RBMS2: variants seen among roughly 807,000 people sequenced by gnomAD.
RBMS2 encodes the protein RNA binding motif single stranded interacting protein 2.
Under a neutral mutation model 58.4 loss-of-function variants are expected in RBMS2, and 38 were observed. The observed-to-expected ratio is 0.65, with a 90% confidence interval of 0.50 to 0.85. The LOEUF is 0.85. Ranked by LOEUF, RBMS2 falls within the 40% of genes least tolerant of loss-of-function variation. The pLI is 0.00. For missense variants in RBMS2, 367 were observed against 503.7 expected, an observed-to-expected ratio of 0.73 and a Z score of 2.60; for synonymous variants, 151 against 180.7, an observed-to-expected ratio of 0.84 and a Z score of 1.32.
intron 1 of RBMS2, among the ~76,000 whole-genome samples, chr12:56,552,628 T>G (rs956720567): frequency 2.0e-5 from 3 of 151,982 alleles, no homozygotes; most frequent in Admixed American, 6.6e-5. Flanking sequence ...GGAGGCGAAG[T>G]CAGGAGGATC....
Position 56,589,130 on chromosome 12 carries a change from C to G in RBMS2, c.*7-10C>G, listed in dbSNP as rs761300460. ...TGTCTTGTCTCCTCTCTGGCTTGTG[C>G]CTTCTTTAGGATTCCCCTCCCCATC... On this transcript the variant is annotated splice_polypyrimidine_tract_variant and intron_variant, in intron 13 of 13. Transcript: ENST00000262031. 40 of 1,568,240 alleles carry G rather than the reference C, an allele frequency of 2.6e-5. No individual in the cohort carries two copies. In the African/African-American group the frequency reaches 5.3e-4, roughly 21 times the overall value.
chr12:56,529,174 A>G (rs1873232305), intron 1 of RBMS2, among the ~76,000 whole-genome samples: 1 of 152,228 alleles, frequency 6.6e-6, no homozygotes, highest in South Asian at 2.1e-4. Context: ...GAGTGGAAAC[A>G]ACCCAAATGT....
intron 1 of RBMS2, among the ~76,000 whole-genome samples, chr12:56,552,544 A>G (rs189424671): frequency 1.2e-4 from 19 of 152,254 alleles, no homozygotes; most frequent in Non-Finnish European, 1.9e-4. Context: ...GAGGTAGGAT[A>G]ACTGAGATGG....
At chr12:56,572,680 T>C (rs1882501565) in intron 5 of RBMS2, 1 of 600,328 alleles carries the variant, frequency 1.7e-6, no homozygotes, top group African/African-American at 2.0e-5. Context: ...AACTCTTCAG[T>C]AGAAATGATT....
intron 1 of RBMS2, among the ~76,000 whole-genome samples, chr12:56,536,530 T>C (rs1874870981): frequency 7.0e-6 from 1 of 143,278 alleles, no homozygotes; most frequent in Non-Finnish European, 1.5e-5. Flanking sequence ...CCTTCTTTCT[T>C]TTCTCTCTTT....
intron 1 of RBMS2, among the ~76,000 whole-genome samples, chr12:56,526,135 C>T (rs376376724): frequency 2.0e-5 from 3 of 151,276 alleles, no homozygotes; most frequent in South Asian, 4.2e-4. Context: ...GGTGAAACCC[C>T]GTCAATACTG....
At chr12:56,555,440 CAA>C (rs771583124) in intron 1 of RBMS2, among the ~76,000 whole-genome samples, 41 of 86,998 alleles carry the variant, frequency 4.7e-4, no homozygotes, top group Non-Finnish European at 4.1e-4. Context: ...AACTTGGTCT[CAA>C]AAAAAAAAAA....
At chr12:56,532,424 C>T (rs1184053721) in intron 1 of RBMS2, among the ~76,000 whole-genome samples, 2 of 151,826 alleles carry the variant, frequency 1.3e-5, no homozygotes, top group Admixed American at 6.6e-5. Flanking sequence ...TGCCTGTAAT[C>T]CCAGATACTA....
intron 2 of RBMS2, 53 bp downstream of exon 2, chr12:56,562,636 T>G: frequency 6.5e-7 from 1 of 1,545,440 alleles, no homozygotes; most frequent in Non-Finnish European, 8.9e-7. Flanking sequence ...GATTTGGTTT[T>G]GAGACAGGGT....
chr12:56,573,214 C>T (rs1164535869), intron 5 of RBMS2: 8 of 966,838 alleles, frequency 8.3e-6, no homozygotes, highest in Non-Finnish European at 9.8e-6. Context: ...TGGTGGCTCA[C>T]GCCTGTAATC....
intron 1 of RBMS2, among the ~76,000 whole-genome samples, chr12:56,540,344 T>C (rs1454266282): frequency 2.0e-5 from 3 of 152,128 alleles, no homozygotes; most frequent in Non-Finnish European, 4.4e-5. Context: ...TATGTATTTA[T>C]GTATTTATTT....
At chr12:56,529,362 G>A (rs1873269768) in intron 1 of RBMS2, among the ~76,000 whole-genome samples, 1 of 152,100 alleles carries the variant, frequency 6.6e-6, no homozygotes, top group African/African-American at 2.4e-5. Context: ...AGACCAGCCT[G>A]GGCAACATGG....
chr12:56,520,745 T>A (rs988904961), upstream of RBMS2, among the ~76,000 whole-genome samples: 3 of 152,124 alleles, frequency 2.0e-5, no homozygotes, highest in East Asian at 3.9e-4. Flanking sequence ...TTTTTTTTTT[T>A]AAACAGCTCA....
At chr12:56,587,433 A>T in intron 10 of RBMS2, 121 bp from the exon 11 acceptor site, 2 of 1,047,882 alleles carry the variant, frequency 1.9e-6, no homozygotes, top group South Asian at 1.7e-5. Flanking sequence ...GTTGCTGCTC[A>T]CTTACCATTT....
intron 11 of RBMS2, 82 bp from the exon 12 acceptor site, chr12:56,588,212 A>G: frequency 9.4e-7 from 1 of 1,068,400 alleles, no homozygotes; most frequent in Non-Finnish European, 1.4e-6. Context: ...TACAGGTGTC[A>G]GTATTTTTTT....
intron 1 of RBMS2, among the ~76,000 whole-genome samples, chr12:56,558,775 T>C (rs956028588): frequency 1.3e-5 from 2 of 151,918 alleles, no homozygotes; most frequent in African/African-American, 4.8e-5. Context: ...TTTGCATTTT[T>C]TTTTTATAGA....
chr12:56,550,151 G>A (rs1055155754), intron 1 of RBMS2, among the ~76,000 whole-genome samples: 1 of 152,100 alleles, frequency 6.6e-6, no homozygotes, highest in Admixed American at 6.6e-5. Flanking sequence ...TGTCCTAAAT[G>A]TCATTTTCAT....
At chr12:56,539,232 G>T (rs1400148252) in intron 1 of RBMS2, among the ~76,000 whole-genome samples, 4 of 152,038 alleles carry the variant, frequency 2.6e-5, no homozygotes, top group Non-Finnish European at 4.4e-5. Flanking sequence ...GGCCAGGCTG[G>T]TCTGGAACTC....
intron 1 of RBMS2, among the ~76,000 whole-genome samples, chr12:56,531,153 A>G (rs1873654093): frequency 6.6e-6 from 1 of 152,116 alleles, no homozygotes; most frequent in Non-Finnish European, 1.5e-5. Flanking sequence ...TATTGGAATC[A>G]TTTAGGTAAT....
Sources: gnomAD v4.1 joint callset for allele counts (sites outside exome capture counted in the v4.1 genomes callset) on GRCh38, gnomAD v4.1.1 for gene constraint, MANE v1.5 for transcripts, NCBI Gene and HGNC (gene_info 2026-07-23, HGNC 2026-07-21) for gene names.